Variants in ARHGEF3 observed in about 807,000 individuals in gnomAD.
The protein encoded by ARHGEF3 is Rho guanine nucleotide exchange factor 3, also known as 59.8 kDA protein.
In ARHGEF3, 28 loss-of-function variants were observed where a neutral mutation model predicts 63.2. The ratio of observed to expected loss-of-function variants is 0.44; its 90% CI spans 0.33 to 0.61. The LOEUF (loss-of-function observed/expected upper bound fraction) is 0.61, where lower values mean the gene tolerates loss of function less well. Among genes scored for constraint, ARHGEF3 ranks in the 20% least tolerant of loss-of-function variants. ARHGEF3 has a pLI of 0.03. For missense variants in ARHGEF3, 533 were observed against 659.3 expected (o/e 0.81, Z 2.10); for synonymous variants, 266 against 254.2 (o/e 1.05, Z -0.44).
chr3:56,995,045 G>A lies in ARHGEF3; in HGVS notation c.63-36156C>T, dbSNP rs111708729. On this transcript the variant is annotated intron_variant, in intron 2 of 12. Coordinates refer to the ARHGEF3 transcript ENST00000338458. ...TGATTCTAAGTTTCCTGAGGCCTCA[G>A]GAGACTGGGCCTCAGTTCTCCTCTG... Among the ~76,000 whole-genome samples the A allele has an allele frequency of 1.9e-3, 284 of 152,176 alleles. 1 individual carries two copies. Among genetic ancestry groups the A allele is most frequent in the Non-Finnish European group, 3.7e-3 (249 of 68,000 alleles).
chr3:57,021,050 C>CT (rs1392306860), intron 2 of ARHGEF3, among the ~76,000 whole-genome samples: 4 of 152,186 alleles, frequency 2.6e-5, no homozygotes, highest in Non-Finnish European at 5.9e-5. Flanking sequence ...CAGTATTACT[C>CT]TAAGCCACAG....
chr3:56,928,335 T>C (rs2042327027), intron 3 of ARHGEF3, among the ~76,000 whole-genome samples: 1 of 145,324 alleles, frequency 6.9e-6, no homozygotes, highest in South Asian at 2.2e-4. Context: ...CGAGGTTGGG[T>C]TCCTGGCCCA....
chr3:56,880,883 G>T (rs1560017239), intron 4 of ARHGEF3, among the ~76,000 whole-genome samples: 1 of 152,072 alleles, frequency 6.6e-6, no homozygotes, highest in Non-Finnish European at 1.5e-5. Flanking sequence ...TAGTAAACTG[G>T]CCCAACTCCA....
intron 3 of ARHGEF3, among the ~76,000 whole-genome samples, chr3:56,887,902 G>T (rs1384628620): frequency 2.6e-5 from 4 of 152,184 alleles, no homozygotes; most frequent in Non-Finnish European, 4.4e-5. Context: ...GTGACTAAAA[G>T]AAAGAATGAA....
At chr3:56,980,761 C>T (rs997970750) in intron 2 of ARHGEF3, among the ~76,000 whole-genome samples, 2 of 152,242 alleles carry the variant, frequency 1.3e-5, no homozygotes, top group Non-Finnish European at 2.9e-5. Context: ...TTCAGATTTA[C>T]AGATGGGAAA....
At chr3:57,053,644 T>C (rs1344100198) in intron 1 of ARHGEF3, among the ~76,000 whole-genome samples, 1 of 152,212 alleles carries the variant, frequency 6.6e-6, no homozygotes, top group East Asian at 1.9e-4. Context: ...AAAGAAGGCT[T>C]CCTTATGTTC....
intron 2 of ARHGEF3, among the ~76,000 whole-genome samples, chr3:56,988,722 C>T (rs1701633602): frequency 6.6e-6 from 1 of 152,110 alleles, no homozygotes; most frequent in African/African-American, 2.4e-5. Flanking sequence ...GGGCCCAGAC[C>T]ATGGAGGTGT....
rs911549607 is a variant in ARHGEF3, at chr3:56,753,488, C to A, written c.438+16G>T. On this transcript the variant is annotated intron_variant, in intron 4 of 9. Coordinates refer to ENST00000296315, the MANE Select transcript of ARHGEF3 (RefSeq NM_019555.3). ...AAATGTGACTTGACTCAAGTGACTGCTGGATTTAAATTTACCTTTTTTGCT... is the reference window on the plus strand; with the variant it reads ...AAATGTGACTTGACTCAAGTGACTGATGGATTTAAATTTACCTTTTTTGCT... 3.1e-6 allele frequency: 5 copies of A among 1,611,556 alleles called. No individual in the cohort carries two copies. Among genetic ancestry groups the A allele is most frequent in the Non-Finnish European group, 4.2e-6 (5 of 1,178,630 alleles).
At chr3:56,953,367 G>A (rs1215039337) in intron 3 of ARHGEF3, among the ~76,000 whole-genome samples, 1 of 152,264 alleles carries the variant, frequency 6.6e-6, no homozygotes, top group Non-Finnish European at 1.5e-5. Flanking sequence ...TCAAGGCAGT[G>A]TGGAGAAGGT....
chr3:56,940,862 T>G (rs957877778), intron 3 of ARHGEF3: 5 of 152,184 alleles, frequency 3.3e-5, no homozygotes, highest in African/African-American at 9.7e-5. Context: ...TTTCAGAAAA[T>G]GGCATTATTT....
chr3:56,764,478 C>CT (rs2035589741), intron 2 of ARHGEF3, among the ~76,000 whole-genome samples: 1 of 152,096 alleles, frequency 6.6e-6, no homozygotes, highest in Non-Finnish European at 1.5e-5. Context: ...CAAACTTTGA[C>CT]TTTTTGTGAT....
At chr3:56,832,714 C>G (rs769331185) in intron 4 of ARHGEF3, among the ~76,000 whole-genome samples, 2 of 152,222 alleles carry the variant, frequency 1.3e-5, no homozygotes, top group Non-Finnish European at 2.9e-5. Flanking sequence ...TCTCTACTAT[C>G]TAGTTCCAGA....
intron 3 of ARHGEF3, among the ~76,000 whole-genome samples, chr3:56,950,896 T>C (rs1380042047): frequency 5.3e-5 from 8 of 151,872 alleles, no homozygotes; most frequent in South Asian, 2.1e-4. Context: ...CCAACAACAA[T>C]AGACTGGATT....
At position 57,020,646 on chromosome 3, in the gene ARHGEF3, A is replaced by T. The variant is rs1579105945; in HGVS notation, c.62+14442T>A. Among the ~76,000 whole-genome samples, 9 of 152,242 alleles carry T rather than the reference A, an allele frequency of 5.9e-5. 1 individual carries two copies. Among genetic ancestry groups the T allele is most frequent in the Admixed American group, 5.9e-4 (9 of 15,284 alleles). ...GCCAGCCTGGAGTTGGTGGTATCAC[A>T]GGGAGGAAACGTTCCTGAGAATGAT... On this transcript the variant is annotated intron_variant, in intron 2 of 12. Transcript: ENST00000338458.
intron 1 of ARHGEF3, among the ~76,000 whole-genome samples, chr3:56,785,122 GT>G (rs2036740361): frequency 6.6e-6 from 1 of 152,168 alleles, no homozygotes; most frequent in African/African-American, 2.4e-5. Context: ...CAAAGCTAGA[GT>G]TCCACGTCAC....
chr3:57,011,250 C>T (rs1223426694), intron 2 of ARHGEF3, among the ~76,000 whole-genome samples: 1 of 152,180 alleles, frequency 6.6e-6, no homozygotes, highest in African/African-American at 2.4e-5. Flanking sequence ...CTTACAGGAA[C>T]ATGATGGTGC....
intron 4 of ARHGEF3, among the ~76,000 whole-genome samples, chr3:56,861,563 C>T (rs1162627206): frequency 3.9e-5 from 6 of 152,108 alleles, no homozygotes; most frequent in African/African-American, 7.2e-5. Flanking sequence ...TCCCTGAGCC[C>T]GGGATTTTCT....
At chr3:57,067,930 C>T (rs1239860676) in intron 1 of ARHGEF3, among the ~76,000 whole-genome samples, 1 of 151,648 alleles carries the variant, frequency 6.6e-6, no homozygotes, top group African/African-American at 2.4e-5. Flanking sequence ...GCAGAGCTTG[C>T]AGTGAGCCAA....
intron 2 of ARHGEF3, among the ~76,000 whole-genome samples, chr3:56,771,888 A>G (rs1312795186): frequency 6.6e-6 from 1 of 152,234 alleles, no homozygotes; most frequent in African/African-American, 2.4e-5. Flanking sequence ...TGCAGTAGAC[A>G]TTCTGAAGAA....
Sources: allele counts gnomAD v4.1 joint callset (sites outside exome capture counted in the v4.1 genomes callset), GRCh38; gene constraint gnomAD v4.1.1; transcripts MANE v1.5; gene names NCBI Gene and HGNC (gene_info 2026-07-23, HGNC 2026-07-21).